Variants in ROR2 observed in about 807,000 individuals in gnomAD.
The protein encoded by ROR2 is tyrosine-protein kinase transmembrane receptor ROR2.
A neutral mutation model predicts 74.9 loss-of-function variants in ROR2; 33 were observed. That is an observed-to-expected ratio of 0.44 (90% CI 0.33 to 0.59). The LOEUF (loss-of-function observed/expected upper bound fraction) is 0.59. ROR2 is among the 20% of genes least tolerant of loss of function. ROR2 has a pLI of 0.02. For missense variants in ROR2, 1,216 were observed against 1,313.8 expected, an observed-to-expected ratio of 0.93 and a Z score of 1.15; for synonymous variants, 586 against 558.7, an observed-to-expected ratio of 1.05 and a Z score of -0.69.
intron 7 of ROR2, among the ~76,000 whole-genome samples, 182 bp downstream of exon 7, chr9:91,730,728 A>G (rs1208766241): frequency 6.6e-6 from 1 of 152,100 alleles, no homozygotes; most frequent in African/African-American, 2.4e-5. Flanking sequence ...TGCTGGGATT[A>G]TAGGCATCAG....
At chr9:91,841,464 G>C (rs1000927998) in intron 1 of ROR2, among the ~76,000 whole-genome samples, 2 of 152,234 alleles carry the variant, frequency 1.3e-5, no homozygotes, top group African/African-American at 4.8e-5. Flanking sequence ...TGCAGTCCCT[G>C]ACACAGACTG....
Position 91,723,562 on chromosome 9 carries a change from C to A in ROR2, c.*100G>T. The stretch of plus-strand genomic sequence containing the variant: ...GCAAACAAGCCCACTGGCCGGCGGG[C>A]TCTTGTGATTGCTGAGTATGGTGTC... On this transcript the variant is annotated 3_prime_UTR_variant, in exon 9 of 9. Transcript: ENST00000375708. 1 of 1,520,178 alleles carries A rather than the reference C, an allele frequency of 6.6e-7. No individual in the cohort carries two copies. The highest frequency in any genetic ancestry group is 1.4e-5 in the African/African-American group (1 of 72,774). 94.2% of individuals were successfully genotyped at this position (1,520,178 alleles called of 1,614,324 possible). A position where few individuals can be genotyped will look rare whatever the true frequency, so the allele number is the denominator to read the frequency against.
Position 91,724,007 on chromosome 9 carries a change from G to A in ROR2, c.2487C>T (p.Ala829=). 6.2e-6 allele frequency: 10 copies of A among 1,612,664 alleles called. No homozygotes were observed. Among genetic ancestry groups the A allele is most frequent in the Non-Finnish European group, 8.5e-6 (10 of 1,179,964 alleles). ...VPVNGYQPVP[A]YGAYLPNFYP... is the part of the protein sequence containing the mutation. ...AGAAGTTGGGCAGGTAGGCCCCATAGGCCGGCACCGGCTGGTAGCCGTTGA... is the reference window on the plus strand; with the variant it reads ...AGAAGTTGGGCAGGTAGGCCCCATAAGCCGGCACCGGCTGGTAGCCGTTGA... Residue 829 remains alanine, a synonymous_variant, in exon 9 of 9, where the codon GCC becomes GCT. Transcript: ENST00000375708.
At position 91,910,233 on chromosome 9, in the gene ROR2, T is replaced by C. The variant is rs1288534230; in HGVS notation, c.97+39634A>G. ...CAGTGCCCAGTGCTGGCACTGGTGA[T>C]GTGAAATAGGCAATTCCAGACATTT... is the stretch of plus-strand genomic sequence containing the variant. On this transcript the variant is annotated intron_variant, in intron 1 of 8. Coordinates refer to ENST00000375708, the MANE Select transcript of ROR2 (RefSeq NM_004560.4). Among the ~76,000 whole-genome samples the C allele has an allele frequency of 3.3e-5, 5 of 152,316 alleles. No homozygotes were observed. In the South Asian group the frequency reaches 8.3e-4, roughly 25 times the overall value.
At position 91,733,050 on chromosome 9, in the gene ROR2, C is replaced by A. The variant is rs1054311761; in HGVS notation, c.937+72G>T. The A allele has an allele frequency of 5.6e-6, 8 of 1,421,616 alleles. No homozygotes were observed. In the African/African-American group the frequency reaches 8.5e-5, roughly 15 times the overall value. 88.1% of individuals were successfully genotyped at this position (1,421,616 alleles called of 1,614,324 possible). ...TGGGGCTCCCTGGGCTTCACCGACA[C>A]CCCCATACACATTTCAAGGGCCCTA... On this transcript the variant is annotated intron_variant, in intron 6 of 8. Coordinates refer to ENST00000375708, the MANE Select transcript of ROR2 (RefSeq NM_004560.4). The surrounding 1 kb of genome is among the most constrained non-coding windows in gnomAD (Gnocchi z 5.7).
At chr9:91,839,049 T>C (rs1051487756) in intron 1 of ROR2, among the ~76,000 whole-genome samples, 1 of 152,046 alleles carries the variant, frequency 6.6e-6, no homozygotes. Flanking sequence ...AAGCACACAC[T>C]ACACAACATG....
At chr9:91,737,177 T>C (rs529355172) in intron 5 of ROR2, among the ~76,000 whole-genome samples, 1 of 152,344 alleles carries the variant, frequency 6.6e-6, no homozygotes, top group South Asian at 2.1e-4. Flanking sequence ...CCACACTTGC[T>C]AATTTAAACA....
intron 1 of ROR2, among the ~76,000 whole-genome samples, chr9:91,906,604 T>A (rs1830824330): frequency 6.6e-6 from 1 of 152,168 alleles, no homozygotes; most frequent in African/African-American, 2.4e-5. Flanking sequence ...GAAAATCCCC[T>A]CGGTTTTGTT....
chr9:91,840,278 GTTTCTC>G (rs1305140848), intron 1 of ROR2, among the ~76,000 whole-genome samples: 1 of 152,152 alleles, frequency 6.6e-6, no homozygotes, highest in Non-Finnish European at 1.5e-5. Flanking sequence ...AACGTTACCC[GTTTCTC>G]TTTCTCTTTC....
intron 1 of ROR2, among the ~76,000 whole-genome samples, chr9:91,849,286 AGG>A (rs1381343644): frequency 2.0e-5 from 3 of 152,240 alleles, no homozygotes; most frequent in Non-Finnish European, 4.4e-5. Context: ...GAATCAATCC[AGG>A]GGTGAGGAAA....
Position 91,733,308 on chromosome 9 carries a change from G to A in ROR2, c.751C>T (p.Leu251=), listed in dbSNP as rs368471121. 410 of 1,612,754 alleles carry A rather than the reference G, an allele frequency of 2.5e-4. No homozygotes were observed. The highest frequency in any genetic ancestry group is 2.5e-4 in the Non-Finnish European group (296 of 1,179,738). Residue 251 remains leucine, a synonymous_variant, in exon 6 of 9, where the codon CTG becomes TTG. Transcript: ENST00000375708. This position sits in a 1 kb window ranked among gnomAD's most constrained non-coding sequence, Gnocchi z 5.7. The stretch of plus-strand genomic sequence containing the variant: ...AGCACCTCGCACTCGTCGCGGCACA[G>A]CTCACGCGGCTTGGGTGTCCGGGAG... ...ARSRTPKPRE[L]CRDECEVLES...
chr9:91,839,251 G>GGTGTGTGT (rs56134220), intron 1 of ROR2, among the ~76,000 whole-genome samples: 82 of 107,798 alleles, frequency 7.6e-4, no homozygotes, highest in South Asian at 2.5e-3. Flanking sequence ...TCAGATCGGG[G>GGTGTGTGT]GTGTGTGTGT....
intron 1 of ROR2, among the ~76,000 whole-genome samples, chr9:91,838,058 C>T (rs1261815755): frequency 6.6e-6 from 1 of 152,162 alleles, no homozygotes; most frequent in Admixed American, 6.5e-5. Context: ...GCTTTTACTG[C>T]CTTGTCTGGG....
chr9:91,900,147 G>A (rs1239319866), intron 1 of ROR2, among the ~76,000 whole-genome samples: 3 of 152,204 alleles, frequency 2.0e-5, no homozygotes, highest in Non-Finnish European at 4.4e-5. Flanking sequence ...CTCCAGATAA[G>A]CCTCCCTCCA....
chr9:91,734,854 C>T (rs1384485685), intron 5 of ROR2, among the ~76,000 whole-genome samples: 1 of 152,312 alleles, frequency 6.6e-6, no homozygotes, highest in African/African-American at 2.4e-5. Context: ...GTGCTCATCA[C>T]ATCACCTCCC....
intron 1 of ROR2, among the ~76,000 whole-genome samples, chr9:91,891,533 T>C (rs961941070): frequency 2.0e-5 from 3 of 152,076 alleles, no homozygotes; most frequent in Non-Finnish European, 4.4e-5. Flanking sequence ...CCTCCCAAAG[T>C]GCGGGGATTA....
At position 91,938,301 on chromosome 9, in the gene ROR2, A is replaced by T. The variant is rs577804807; in HGVS notation, c.97+11566T>A. ...TAGTGAGACTCTTTCTCTTACAAAA[A>T]TTTTTTTTTTAGTTAGCCAGATGTT... is the stretch of plus-strand genomic sequence containing the variant. On this transcript the variant is annotated intron_variant, in intron 1 of 8. Coordinates refer to ENST00000375708, the MANE Select transcript of ROR2 (RefSeq NM_004560.4). Among the ~76,000 whole-genome samples, 21 of 151,450 alleles carry T rather than the reference A, an allele frequency of 1.4e-4. No individual in the cohort carries two copies. The East Asian group carries it at 1.6e-3, about 11-fold the overall frequency.
intron 1 of ROR2, among the ~76,000 whole-genome samples, chr9:91,789,920 T>C (rs183239447): frequency 1.3e-4 from 20 of 151,986 alleles, no homozygotes; most frequent in Admixed American, 1.1e-3. Context: ...TACCCAAACA[T>C]AGGCTGCCTA....
intron 1 of ROR2, among the ~76,000 whole-genome samples, chr9:91,777,389 CCACACA>C (rs112876626): frequency 1.3e-5 from 2 of 149,840 alleles, no homozygotes; most frequent in Non-Finnish European, 3.0e-5. Context: ...AACAAAACTG[CCACACA>C]CACACACACA....
Sources: allele counts gnomAD v4.1 joint callset (sites outside exome capture counted in the v4.1 genomes callset), GRCh38; gene constraint gnomAD v4.1.1; non-coding constraint Gnocchi (gnomAD v3.1); transcripts MANE v1.5; gene names NCBI Gene and HGNC (gene_info 2026-07-23, HGNC 2026-07-21).